RNF212B: variants seen among roughly 807,000 people sequenced by gnomAD.
RNF212B encodes the protein E3 ubiquitin-protein ligase RNF212B.
A neutral mutation model predicts 55.5 loss-of-function variants in RNF212B; 52 were observed. The observed-to-expected ratio is 0.94, with a 90% confidence interval of 0.75 to 1.18. RNF212B has a LOEUF of 1.18. Ranked by LOEUF, RNF212B falls within the 50% of genes most tolerant of loss-of-function variation. RNF212B has a pLI of 0.00. For synonymous variants in RNF212B, 99 were observed against 121.4 expected, an observed-to-expected ratio of 0.82 and a Z score of 1.21; for missense variants, 289 against 350.4, an observed-to-expected ratio of 0.82 and a Z score of 1.40.
At chr14:23,243,398 A>C in intron 3 of RNF212B, 90 bp downstream of exon 3, 1 of 1,187,122 alleles carries the variant, frequency 8.4e-7, no homozygotes. Context: ...AATTGTTTCA[A>C]AAAGAAAGAA....
intron 4 of RNF212B, among the ~76,000 whole-genome samples, chr14:23,254,625 T>C (rs997847577): frequency 6.6e-6 from 1 of 152,144 alleles, no homozygotes; most frequent in African/African-American, 2.4e-5. Context: ...AACTCCTGAG[T>C]TCAAGATATC....
At chr14:23,258,762 A>G in intron 5 of RNF212B, 98 bp downstream of exon 5, 1 of 497,608 alleles carries the variant, frequency 2.0e-6, no homozygotes, top group South Asian at 4.1e-5. Flanking sequence ...AAATTGCTCC[A>G]TATGTATTTG....
intron 2 of RNF212B, among the ~76,000 whole-genome samples, chr14:23,199,236 C>T (rs2140366066): frequency 6.6e-6 from 1 of 152,268 alleles, no homozygotes; most frequent in African/African-American, 2.4e-5. Context: ...AGGCATGAGA[C>T]ATCAATCAAT....
At chr14:23,230,829 T>G (rs1168274984) in intron 2 of RNF212B, among the ~76,000 whole-genome samples, 1 of 152,162 alleles carries the variant, frequency 6.6e-6, no homozygotes, top group African/African-American at 2.4e-5. Context: ...TTTATTCTTT[T>G]GCATATGGAC....
At chr14:23,209,025 T>C (rs1405783145) in intron 2 of RNF212B, among the ~76,000 whole-genome samples, 1 of 152,202 alleles carries the variant, frequency 6.6e-6, no homozygotes, top group African/African-American at 2.4e-5. Flanking sequence ...CCCAGAGTGC[T>C]GGGATTACAG....
In RNF212B at chr14:23,272,832, C is replaced by A. The variant is rs1886212461; in HGVS notation, c.844C>A (p.Gln282Lys). ...TTGTCCTCTGCTGCAGACTCTCTAC[C>A]AACAACGGAGGCATATGGGATTACC... is the stretch of plus-strand genomic sequence containing the variant. ...FQLPVLQTLY[Q>K]QRRHMGLPSG... The change falls in exon 15 of 15, where the codon CAA (glutamine) becomes AAA (lysine). Residue 282 changes from glutamine to lysine, a missense_variant. By Grantham distance (53) the Gln-to-Lys change is moderately conservative. Coordinates refer to ENST00000430154, the MANE Select transcript of RNF212B (RefSeq NM_001282322.3). The A allele has an allele frequency of 1.9e-6, 3 of 1,548,436 alleles. No homozygotes were observed. Among genetic ancestry groups the A allele is most frequent in the Admixed American group, 3.9e-5 (2 of 50,966 alleles).
In RNF212B at chr14:23,217,210, C is replaced by T. The variant is rs568168443; in HGVS notation, c.-1-23135C>T. Among the ~76,000 whole-genome samples the T allele has an allele frequency of 3.6e-3, 529 of 146,520 alleles. 5 individuals carry two copies. The highest frequency in any genetic ancestry group is 0.013 in the African/African-American group (497 of 38,462). On this transcript the variant is annotated intron_variant, in intron 2 of 15. Transcript: ENST00000399910. ...GGTTTTAAGTTAACATCAGCAGTGG[C>T]CTGGCAGAACCACCATAGACCAGTG...
At chr14:23,192,324 A>G (rs1422360083) in intron 1 of RNF212B, among the ~76,000 whole-genome samples, 1 of 152,248 alleles carries the variant, frequency 6.6e-6, no homozygotes, top group African/African-American at 2.4e-5. Context: ...AAGAAAATGT[A>G]GCACATATAC....
At chr14:23,259,083 T>C (rs1355542263) in intron 5 of RNF212B, among the ~76,000 whole-genome samples, 2 of 150,110 alleles carry the variant, frequency 1.3e-5, no homozygotes, top group Non-Finnish European at 3.0e-5. Context: ...TCCCAGCTAC[T>C]TGGGAGGCTG....
chr14:23,257,547 G>C (rs1428136477), intron 4 of RNF212B, among the ~76,000 whole-genome samples: 2 of 152,116 alleles, frequency 1.3e-5, no homozygotes, highest in Non-Finnish European at 2.9e-5. Context: ...CAAGATCTAG[G>C]AAAGGACCCT....
At chr14:23,192,582 T>C (rs143918327) in intron 1 of RNF212B, among the ~76,000 whole-genome samples, 365 of 151,960 alleles carry the variant, frequency 2.4e-3, no homozygotes, top group African/African-American at 8.3e-3. Flanking sequence ...ATATACCTAA[T>C]GTGAATGACG....
chr14:23,256,745 G>A (rs917535819), intron 4 of RNF212B, among the ~76,000 whole-genome samples: 1 of 152,156 alleles, frequency 6.6e-6, no homozygotes, highest in Non-Finnish European at 1.5e-5. Context: ...GCAGTGCAGA[G>A]GCACGATCAT....
At chr14:23,210,424 G>C (rs554164355) in intron 2 of RNF212B, among the ~76,000 whole-genome samples, 2 of 152,296 alleles carry the variant, frequency 1.3e-5, no homozygotes, top group East Asian at 3.9e-4. Flanking sequence ...ACAAAGTCTG[G>C]AGTTTAGTTA....
intron 11 of RNF212B, among the ~76,000 whole-genome samples, chr14:23,267,352 A>G (rs1458795777): frequency 1.3e-5 from 2 of 151,908 alleles, no homozygotes; most frequent in Non-Finnish European, 2.9e-5. Context: ...TTAGGACTCT[A>G]TTGTTAGATG....
At chr14:23,243,040 C>T (rs1172600227) in intron 2 of RNF212B, among the ~76,000 whole-genome samples, 1 of 151,170 alleles carries the variant, frequency 6.6e-6, no homozygotes, top group Non-Finnish European at 1.5e-5. Flanking sequence ...GGTGTGAAAG[C>T]CCTACTTATA....
upstream of RNF212B, among the ~76,000 whole-genome samples, chr14:23,236,959 CTCT>C (rs762385519): frequency 7.2e-6 from 1 of 139,126 alleles, no homozygotes; most frequent in Non-Finnish European, 1.5e-5. Context: ...TTCTGTCTCT[CTCT>C]TTTTTTTTTT....
At chr14:23,245,030 G>GT (rs1555317064) in intron 4 of RNF212B, among the ~76,000 whole-genome samples, 2 of 152,056 alleles carry the variant, frequency 1.3e-5, no homozygotes, top group Admixed American at 6.6e-5. Flanking sequence ...AAAAACTTTG[G>GT]TTTTTTTCCT....
intron 2 of RNF212B, among the ~76,000 whole-genome samples, chr14:23,198,922 G>GTA (rs904459802): frequency 3.9e-5 from 6 of 151,976 alleles, no homozygotes; most frequent in Admixed American, 2.6e-4. Context: ...AGCTAGCTTG[G>GTA]TATATATATA....
chr14:23,254,281 T>G (rs1566431828), intron 4 of RNF212B, among the ~76,000 whole-genome samples: 1 of 108,610 alleles, frequency 9.2e-6, no homozygotes, highest in African/African-American at 4.5e-5. Context: ...CAATACTCTT[T>G]ATCTCAAAAA....
Sources: gnomAD v4.1 joint callset for allele counts (sites outside exome capture counted in the v4.1 genomes callset) on GRCh38, gnomAD v4.1.1 for gene constraint, MANE v1.5 for transcripts, NCBI Gene and HGNC (gene_info 2026-07-23, HGNC 2026-07-21) for gene names.